ATP2B2: variants seen among roughly 807,000 people sequenced by gnomAD.
ATP2B2 encodes plasma membrane calcium-transporting ATPase 2.
In ATP2B2, 15 loss-of-function variants were observed where a neutral mutation model predicts 120.0. The observed-to-expected ratio is 0.12, with a 90% CI of 0.08 to 0.19. The LOEUF (loss-of-function observed/expected upper bound fraction) is 0.19, where lower values mean the gene tolerates loss of function less well. ATP2B2 is among the 10% of genes least tolerant of loss of function. The pLI is 1.00. For synonymous variants in ATP2B2, 694 were observed against 700.3 expected, an observed-to-expected ratio of 0.99 and a Z score of 0.14; for missense variants, 1,045 against 1,719.8, an observed-to-expected ratio of 0.61 and a Z score of 6.94.
chr3:10,632,097 G>A (rs1448687643), intron 1 of ATP2B2, among the ~76,000 whole-genome samples: 1 of 152,236 alleles, frequency 6.6e-6, no homozygotes, highest in Non-Finnish European at 1.5e-5. Context: ...AGGAGCAGTG[G>A]GGCAGGAGCC....
At position 10,329,230 on chromosome 3, in the gene ATP2B2, G is replaced by T; in HGVS notation, c.3421-105C>A. The T allele has an allele frequency of 8.7e-7, 1 of 1,144,736 alleles. No homozygotes were observed. Among genetic ancestry groups the T allele is most frequent in the Non-Finnish European group, 1.3e-6 (1 of 770,044 alleles). 70.9% of individuals were successfully genotyped at this position (1,144,736 alleles called of 1,614,324 possible). ...GGAGAAGGGTTAGGGCAAAGCAGGTGGCTGGAATCCATAGTCGCTGGGTGT... is the reference window on the plus strand; with the variant it reads ...GGAGAAGGGTTAGGGCAAAGCAGGTTGCTGGAATCCATAGTCGCTGGGTGT... On this transcript the variant is annotated intron_variant, in intron 22 of 22. Coordinates refer to ENST00000360273, the MANE Select transcript of ATP2B2 (RefSeq NM_001001331.4). This position sits in a 1 kb window ranked among gnomAD's most constrained non-coding sequence, Gnocchi z 5.9.
intron 1 of ATP2B2, among the ~76,000 whole-genome samples, chr3:10,653,793 T>C (rs193013227): frequency 7.9e-5 from 12 of 152,296 alleles, no homozygotes; most frequent in Non-Finnish European, 1.3e-4. Context: ...TACTATAGCC[T>C]ACGATATCCT....
chr3:10,423,325 A>G (rs530185807), intron 2 of ATP2B2, among the ~76,000 whole-genome samples: 2 of 152,284 alleles, frequency 1.3e-5, no homozygotes, highest in South Asian at 4.1e-4. Flanking sequence ...ACGGTTGGGA[A>G]AATGGAGGCC....
intron 1 of ATP2B2, among the ~76,000 whole-genome samples, chr3:10,696,634 CA>C (rs1183226428): frequency 6.6e-6 from 1 of 152,216 alleles, no homozygotes; most frequent in Non-Finnish European, 1.5e-5. Context: ...GCAACAAAGG[CA>C]GCCCTGACAC....
chr3:10,501,981 G>A (rs1281748925), intron 1 of ATP2B2, among the ~76,000 whole-genome samples: 3 of 152,184 alleles, frequency 2.0e-5, no homozygotes, highest in Non-Finnish European at 4.4e-5. Context: ...GCCCCCATCA[G>A]GTGATCTTTA....
At chr3:10,645,045 G>C (rs1459088164) in intron 1 of ATP2B2, among the ~76,000 whole-genome samples, 3 of 152,154 alleles carry the variant, frequency 2.0e-5, no homozygotes, top group African/African-American at 4.8e-5. Flanking sequence ...TATGTTGAAT[G>C]CAAGTTATTC....
At chr3:10,401,961 C>T (rs2062235436) in intron 4 of ATP2B2, 130 bp downstream of exon 4, 1 of 1,459,080 alleles carries the variant, frequency 6.9e-7, no homozygotes, top group Admixed American at 1.7e-5. Context: ...TCTCAGAAGA[C>T]ATCTTGGTTT....
chr3:10,448,976 G>A (rs1052355202), intron 2 of ATP2B2, among the ~76,000 whole-genome samples: 1 of 152,354 alleles, frequency 6.6e-6, no homozygotes, highest in East Asian at 1.9e-4. Flanking sequence ...CAGGTTCCAT[G>A]TTTGTTCTAC....
chr3:10,481,000 C>T (rs1292312841), intron 1 of ATP2B2, among the ~76,000 whole-genome samples: 4 of 152,224 alleles, frequency 2.6e-5, no homozygotes, highest in East Asian at 3.8e-4. Flanking sequence ...CAGTTCATCC[C>T]GCCTGCCACC....
intron 1 of ATP2B2, among the ~76,000 whole-genome samples, chr3:10,654,680 G>T (rs1404330448): frequency 6.6e-6 from 1 of 151,980 alleles, no homozygotes; most frequent in Non-Finnish European, 1.5e-5. Context: ...GAGGAAAGTG[G>T]TAACAGGAGT....
intron 1 of ATP2B2, among the ~76,000 whole-genome samples, chr3:10,477,642 A>G (rs1483374363): frequency 1.3e-5 from 2 of 152,206 alleles, no homozygotes; most frequent in African/African-American, 2.4e-5. Context: ...GTGGAATCAT[A>G]ACAGTATTTG....
intron 2 of ATP2B2, among the ~76,000 whole-genome samples, chr3:10,558,459 A>AG (rs1387081219): frequency 6.6e-6 from 1 of 152,004 alleles, no homozygotes; most frequent in Non-Finnish European, 1.5e-5. Context: ...AGGTGGGAGG[A>AG]GGGGGGCACT....
At chr3:10,593,365 T>C (rs573942198) in intron 2 of ATP2B2, among the ~76,000 whole-genome samples, 1 of 152,296 alleles carries the variant, frequency 6.6e-6, no homozygotes, top group African/African-American at 2.4e-5. Context: ...GAATTTGAAC[T>C]AGGTTTGAGG....
At chr3:10,702,544 A>C (rs1185355212) in intron 1 of ATP2B2, among the ~76,000 whole-genome samples, 2 of 152,186 alleles carry the variant, frequency 1.3e-5, no homozygotes, top group African/African-American at 2.4e-5. Context: ...TATAGAGAGG[A>C]TGGAGCATCG....
chr3:10,426,512 G>A lies in ATP2B2; in HGVS notation c.200-15697C>T, dbSNP rs573941869. Among the ~76,000 whole-genome samples, 15 of 152,244 alleles carry A rather than the reference G, an allele frequency of 9.9e-5. No individual in the cohort carries two copies. In the South Asian group the frequency reaches 1.7e-3, roughly 17 times the overall value. Reference sequence around the variant, plus strand: ...CTGTGCCAGAGACCACATAGCAAGCGCCTCAGTGGACTCCCGTGTCCTTGC... The same window carrying A: ...CTGTGCCAGAGACCACATAGCAAGCACCTCAGTGGACTCCCGTGTCCTTGC... On this transcript the variant is annotated intron_variant, in intron 2 of 22. Coordinates refer to ENST00000360273, the MANE Select transcript of ATP2B2 (RefSeq NM_001001331.4).
upstream of ATP2B2, among the ~76,000 whole-genome samples, chr3:10,506,673 G>A (rs960100252): frequency 6.6e-6 from 1 of 152,042 alleles, no homozygotes; most frequent in Admixed American, 6.5e-5. Flanking sequence ...TGGAGGGAGG[G>A]CACTGAAGGT....
chr3:10,516,468 C>T (rs2066878028), intron 3 of ATP2B2, among the ~76,000 whole-genome samples: 1 of 152,216 alleles, frequency 6.6e-6, no homozygotes, highest in African/African-American at 2.4e-5. Flanking sequence ...ACCCCAAAGG[C>T]ACTTCCCAAA....
At chr3:10,453,936 C>G (rs527299689) in intron 1 of ATP2B2, among the ~76,000 whole-genome samples, 4 of 151,332 alleles carry the variant, frequency 2.6e-5, no homozygotes, top group African/African-American at 9.7e-5. Flanking sequence ...ACCCATCTAC[C>G]CACCCATCCA....
At chr3:10,695,373 G>A (rs543988407) in intron 1 of ATP2B2, among the ~76,000 whole-genome samples, 18 of 152,074 alleles carry the variant, frequency 1.2e-4, no homozygotes, top group African/African-American at 4.3e-4. Context: ...TGAAAGACCT[G>A]CTCCCATGAT....
Sources: gnomAD v4.1 joint callset for allele counts (sites outside exome capture counted in the v4.1 genomes callset) on GRCh38, gnomAD v4.1.1 for gene constraint, Gnocchi (gnomAD v3.1) non-coding constraint, MANE v1.5 for transcripts, NCBI Gene and HGNC (gene_info 2026-07-23, HGNC 2026-07-21) for gene names.